XRN1: variants seen among roughly 807,000 people sequenced by gnomAD.
The protein encoded by XRN1 is strand-exchange protein 1 homolog.
In XRN1, 67 loss-of-function variants were observed where a neutral mutation model predicts 222.3. The ratio of observed to expected loss-of-function variants is 0.30; its 90% CI spans 0.25 to 0.37. The LOEUF (loss-of-function observed/expected upper bound fraction) is 0.37. Ranked by LOEUF, XRN1 falls within the 10% of genes least tolerant of loss-of-function variation. The probability of loss-of-function intolerance (pLI) is 1.00; values close to 1 mark genes in which losing one functional copy is unlikely to be tolerated. For missense variants in XRN1, 1,707 were observed against 2,000.2 expected (o/e 0.85, Z 2.80); for synonymous variants, 643 against 652.4 (o/e 0.99, Z 0.22).
chr3:142,351,653 C>T (rs6440078), intron 32 of XRN1, among the ~76,000 whole-genome samples: 91,802 of 151,840 alleles, frequency 0.6, 28,840 homozygotes, highest in African/African-American at 0.79. Context: ...TACTGAGGAA[C>T]GTTCCTCCAA....
chr3:142,403,657 A>T lies in XRN1; in HGVS notation c.2103+17T>A, dbSNP rs761928431. 2 of 1,604,358 alleles carry T rather than the reference A, an allele frequency of 1.2e-6. No homozygotes were observed. Among genetic ancestry groups the T allele is most frequent in the Non-Finnish European group, 1.7e-6 (2 of 1,172,086 alleles). On this transcript the variant is annotated intron_variant, in intron 18 of 40. Transcript: ENST00000392981. ...ATTATAGGCATCTAATAAATGAATG[A>T]TAAATAAAATACTTACAAGTTCATC...
intron 25 of XRN1, 87 bp from the exon 26 acceptor site, chr3:142,371,415 A>C: frequency 1.0e-6 from 1 of 962,594 alleles, no homozygotes; most frequent in Non-Finnish European, 1.5e-6. Context: ...GATCCTAAAG[A>C]AACATATAAA....
intron 37 of XRN1, among the ~76,000 whole-genome samples, chr3:142,323,922 G>C (rs2065436832): frequency 6.6e-6 from 1 of 151,324 alleles, no homozygotes; most frequent in East Asian, 1.9e-4. Context: ...CACATTTATG[G>C]GGTACATGTG....
chr3:142,423,215 T>C (rs1250494654), intron 6 of XRN1, among the ~76,000 whole-genome samples: 1 of 152,208 alleles, frequency 6.6e-6, no homozygotes, highest in Non-Finnish European at 1.5e-5. Context: ...TACTGAGATC[T>C]GGCCCATTTA....
chr3:142,363,153 A>C (rs932606268), intron 29 of XRN1, among the ~76,000 whole-genome samples: 1 of 152,072 alleles, frequency 6.6e-6, no homozygotes, highest in Non-Finnish European at 1.5e-5. Flanking sequence ...TTTCTCCTAA[A>C]AGTTCTATAA....
At chr3:142,352,250 A>C (rs2066329766) in intron 32 of XRN1, among the ~76,000 whole-genome samples, 1 of 152,224 alleles carries the variant, frequency 6.6e-6, no homozygotes, top group African/African-American at 2.4e-5. Flanking sequence ...ATAATTGGGC[A>C]AAGTATCTCT....
At chr3:142,345,480 G>C (rs370507210) in intron 33 of XRN1, among the ~76,000 whole-genome samples, 1 of 152,166 alleles carries the variant, frequency 6.6e-6, no homozygotes, top group South Asian at 2.1e-4. Context: ...TGTGACTTTG[G>C]ATTAGGGAAT....
intron 2 of XRN1, among the ~76,000 whole-genome samples, chr3:142,431,933 TTG>T (rs2069598776): frequency 1.1e-5 from 1 of 93,876 alleles, no homozygotes; most frequent in Non-Finnish European, 1.9e-5. Context: ...ATATAATATA[TTG>T]TATATATTAT....
At chr3:142,377,571 A>T (rs947070653) in intron 23 of XRN1, among the ~76,000 whole-genome samples, 2 of 152,196 alleles carry the variant, frequency 1.3e-5, no homozygotes, top group East Asian at 3.8e-4. Context: ...TATACAAAAC[A>T]GTTTTATTTA....
chr3:142,341,183 GTTTTC>G lies in XRN1; in HGVS notation c.3878-5679_3878-5675del, dbSNP rs537418110. Among the ~76,000 whole-genome samples the G allele has an allele frequency of 3.5e-4, 53 of 152,160 alleles. 1 individual carries two copies. The South Asian group carries it at 0.011, about 30-fold the overall frequency. On this transcript the variant is annotated intron_variant, in intron 33 of 40. Transcript: ENST00000392981. ...AAGTTAAATTATAGATTTTTTATTA[GTTTTC>G]TTTTTGTTTATGCAAGCAGTGTTGT...
At chr3:142,330,166 G>C (rs1464360832) in intron 36 of XRN1, among the ~76,000 whole-genome samples, 1 of 152,138 alleles carries the variant, frequency 6.6e-6, no homozygotes, top group African/African-American at 2.4e-5. Context: ...TTGTTTTGCA[G>C]AAGTAAGAAG....
chr3:142,440,773 C>G (rs1342767931), intron 1 of XRN1, among the ~76,000 whole-genome samples: 1 of 152,178 alleles, frequency 6.6e-6, no homozygotes, highest in African/African-American at 2.4e-5. Flanking sequence ...GAGCGGTTTA[C>G]AGTCCTGGAC....
chr3:142,351,161 C>G (rs998083261), intron 32 of XRN1, among the ~76,000 whole-genome samples: 6 of 152,028 alleles, frequency 3.9e-5, no homozygotes, highest in Non-Finnish European at 5.9e-5. Context: ...ATGTATCTAT[C>G]TATCTATCTA....
At position 142,319,620 on chromosome 3, in the gene XRN1, T is replaced by A. The variant is rs111855183; in HGVS notation, c.4405-717A>T. Among the ~76,000 whole-genome samples, 1,267 of 152,182 alleles carry A rather than the reference T, an allele frequency of 8.3e-3. 19 individuals carry two copies. Among genetic ancestry groups the A allele is most frequent in the African/African-American group, 0.028 (1,159 of 41,540 alleles). On this transcript the variant is annotated intron_variant, in intron 37 of 40. Transcript: ENST00000392981. ...GGACTTTAGTGTACCCATTGCCTGA[T>A]TAGTATACATTGTACCCAGTAGGTC...
intron 1 of XRN1, among the ~76,000 whole-genome samples, chr3:142,438,418 G>A (rs1480714061): frequency 2.0e-5 from 3 of 152,064 alleles, no homozygotes; most frequent in Admixed American, 6.5e-5. Context: ...CTGCTACATC[G>A]GTAAGCGTAA....
chr3:142,378,537 A>T (rs954876501), intron 23 of XRN1, among the ~76,000 whole-genome samples: 1 of 152,168 alleles, frequency 6.6e-6, no homozygotes, highest in African/African-American at 2.4e-5. Context: ...TCAAATAGAA[A>T]TTTTAAATGA....
intron 5 of XRN1, 129 bp downstream of exon 5, chr3:142,425,093 T>C (rs893302397): frequency 3.8e-5 from 23 of 607,680 alleles, no homozygotes; most frequent in African/African-American, 3.6e-4. Context: ...TTGGTAATGA[T>C]AGAAGTAGCA....
chr3:142,319,328 C>T (rs976320680), intron 37 of XRN1, among the ~76,000 whole-genome samples: 1 of 152,030 alleles, frequency 6.6e-6, no homozygotes, highest in African/African-American at 2.4e-5. Flanking sequence ...TACTATCTGA[C>T]TCTTCACAGA....
intron 37 of XRN1, among the ~76,000 whole-genome samples, chr3:142,322,159 A>G (rs2065372770): frequency 6.6e-6 from 1 of 152,206 alleles, no homozygotes; most frequent in Non-Finnish European, 1.5e-5. Context: ...GTCTGGGGAT[A>G]GCTGAGGGTC....
Sources: allele counts gnomAD v4.1 joint callset (sites outside exome capture counted in the v4.1 genomes callset), GRCh38; gene constraint gnomAD v4.1.1; transcripts MANE v1.5; gene names NCBI Gene and HGNC (gene_info 2026-07-23, HGNC 2026-07-21).